KLHDC4: variants seen among roughly 807,000 people sequenced by gnomAD.
KLHDC4 encodes the protein kelch domain containing 4, also known as kelch domain-containing protein 4.
In KLHDC4, 90 loss-of-function variants were observed where a neutral mutation model predicts 62.4. That is an observed-to-expected ratio of 1.44 (90% CI 1.22 to 1.72). KLHDC4 has a LOEUF of 1.72. KLHDC4 is among the 40% of genes most tolerant of loss of function. KLHDC4 has a pLI of 0.00. For missense variants in KLHDC4, 1,025 were observed against 699.7 expected (o/e 1.47, Z -5.25); for synonymous variants, 386 against 284.4 (o/e 1.36, Z -3.59).
At chr16:87,707,094 A>C (rs2034827077), downstream of KLHDC4, among the ~76,000 whole-genome samples, 1 of 152,254 alleles carries the variant, frequency 6.6e-6, no homozygotes, top group African/African-American at 2.4e-5. Flanking sequence ...TAAGATACAC[A>C]AAAACTGCAC....
At position 87,709,751 on chromosome 16, in the gene KLHDC4, G is replaced by C. The variant is rs1597377290; in HGVS notation, c.1045-84C>G. The stretch of plus-strand genomic sequence containing the variant: ...GCTATGCCCACAAGGCCAGGCAAGG[G>C]TTTGCGGGGACCACCCACAAGCGTG... On this transcript the variant is annotated intron_variant, in intron 9 of 11. Coordinates refer to ENST00000270583, the MANE Select transcript of KLHDC4 (RefSeq NM_017566.4). 7 of 1,426,364 alleles carry C rather than the reference G, an allele frequency of 4.9e-6. No homozygotes were observed. In the East Asian group the frequency reaches 1.7e-4, roughly 36 times the overall value. 88.4% of individuals were successfully genotyped at this position (1,426,364 alleles called of 1,614,324 possible). A position where few individuals can be genotyped will look rare whatever the true frequency, so the allele number is the denominator to read the frequency against.
chr16:87,716,180 G>A (rs902561148), intron 7 of KLHDC4, among the ~76,000 whole-genome samples: 3 of 149,114 alleles, frequency 2.0e-5, no homozygotes, highest in African/African-American at 7.3e-5. Flanking sequence ...GGATATTGAC[G>A]TAGACTTTGG....
chr16:87,747,062 C>G (rs2043146775), intron 5 of KLHDC4, among the ~76,000 whole-genome samples: 1 of 152,222 alleles, frequency 6.6e-6, no homozygotes, highest in Non-Finnish European at 1.5e-5. Context: ...CAGGTACCCA[C>G]AGTGCATCCC....
chr16:87,710,037 G>T, intron 9 of KLHDC4: 1 of 218,048 alleles, frequency 4.6e-6, no homozygotes, highest in Non-Finnish European at 9.1e-6. Context: ...CCACAGTGCT[G>T]GCTCCCAGAA....
chr16:87,737,104 G>C (rs1158311816), intron 5 of KLHDC4, among the ~76,000 whole-genome samples: 6 of 6,576 alleles, frequency 9.1e-4, no homozygotes, highest in East Asian at 3.8e-3. Context: ...CAGCCTGGGC[G>C]ACAAAAAAAA....
chr16:87,725,017 C>G (rs185056007), intron 7 of KLHDC4, among the ~76,000 whole-genome samples: 1 of 152,072 alleles, frequency 6.6e-6, no homozygotes, highest in African/African-American at 2.4e-5. Context: ...CACTTCAGCA[C>G]GAAGCAGCAA....
At chr16:87,713,231 G>C (rs531984072) in intron 8 of KLHDC4, among the ~76,000 whole-genome samples, 1 of 150,900 alleles carries the variant, frequency 6.6e-6, no homozygotes, top group African/African-American at 2.4e-5. Context: ...ACAGAGTCTC[G>C]CTCTGTCGCC....
intron 10 of KLHDC4, among the ~76,000 whole-genome samples, chr16:87,708,958 C>T (rs745830887): frequency 4.6e-5 from 7 of 152,236 alleles, no homozygotes; most frequent in African/African-American, 9.6e-5. Context: ...CCTCGGGGCC[C>T]GGCTCGGACG....
Position 87,756,375 on chromosome 16 carries a change from A to G in KLHDC4, c.270+24T>C, listed in dbSNP as rs1457603381. The G allele has an allele frequency of 2.6e-6, 4 of 1,560,634 alleles. No homozygotes were observed. The African/African-American group carries it at 5.4e-5, about 21-fold the overall frequency. On this transcript the variant is annotated intron_variant, in intron 3 of 11. Transcript: ENST00000270583. ...AATGATACTCACGCAACATGGGAAG[A>G]AAAGAAAAAAATATATACTTTACTT...
intron 5 of KLHDC4, among the ~76,000 whole-genome samples, chr16:87,733,034 G>C (rs376936356): frequency 7.3e-6 from 1 of 137,680 alleles, no homozygotes; most frequent in East Asian, 2.1e-4. Context: ...AGCTTCTATC[G>C]GTGAAAAGGC....
chr16:87,730,941 C>A (rs2040241256), intron 5 of KLHDC4: 1 of 225,670 alleles, frequency 4.4e-6, no homozygotes, highest in African/African-American at 2.3e-5. Context: ...ACATAAAAAA[C>A]TTCAAAAATA....
intron 5 of KLHDC4, among the ~76,000 whole-genome samples, chr16:87,746,502 G>A (rs973014446): frequency 6.6e-6 from 1 of 152,076 alleles, no homozygotes; most frequent in Non-Finnish European, 1.5e-5. Context: ...CACTCCACAC[G>A]ACCTTCCAGG....
exon 1 of KLHDC4, chr16:87,702,145 G>T (rs1361943029): frequency 2.2e-6 from 1 of 456,268 alleles, no homozygotes; most frequent in Non-Finnish European, 4.4e-6. Context: ...AACAGACCGG[G>T]AGATTCCAGC....
chr16:87,711,583 C>T (rs1460525259), intron 8 of KLHDC4, 140 bp from the exon 9 acceptor site: 1 of 670,666 alleles, frequency 1.5e-6, no homozygotes, highest in Non-Finnish European at 2.5e-6. Flanking sequence ...AACTCTGCTC[C>T]CTCTGCAGAA....
At chr16:87,713,151 C>T (rs763325666) in intron 8 of KLHDC4, among the ~76,000 whole-genome samples, 1 of 152,240 alleles carries the variant, frequency 6.6e-6, no homozygotes, top group Non-Finnish European at 1.5e-5. Flanking sequence ...CCCACCTCAG[C>T]GTCCCCAGTA....
chr16:87,726,774 G>C lies in KLHDC4; in HGVS notation c.750C>G (p.Tyr250Ter). ...PQGGIVVYGG[Y>*]SKQRVKKDVD... ...CCACCCCCCGCCTTACCTGTTTCGA[G>C]TAGCCCCCATAGACGACGATGCCGC... Residue 250 changes from tyrosine (Y) to a stop codon, truncating the protein, a stop_gained, in exon 7 of 12, where the codon TAC becomes TAG. Transcript: ENST00000270583. LOFTEE classifies it high-confidence loss of function. 1.9e-6 allele frequency: 3 copies of C among 1,562,102 alleles called. No homozygotes were observed. Among genetic ancestry groups the C allele is most frequent in the Non-Finnish European group, 2.6e-6 (3 of 1,156,812 alleles).
downstream of KLHDC4, among the ~76,000 whole-genome samples, chr16:87,707,457 A>C (rs1025901288): frequency 6.6e-6 from 1 of 152,110 alleles, no homozygotes; most frequent in African/African-American, 2.4e-5. Context: ...AGGAGCCCCC[A>C]CCACGAGACC....
intron 5 of KLHDC4, chr16:87,740,884 T>G (rs550969769): frequency 1.3e-5 from 2 of 152,130 alleles, no homozygotes; most frequent in Admixed American, 1.3e-4. Context: ...AGTACGGAGA[T>G]CTATGCTGCA....
chr16:87,709,524 G>A lies in KLHDC4; in HGVS notation c.1188C>T (p.Val396=). The change falls in exon 10 of 12, where the codon GTC becomes GTT. Residue 396 remains valine, a synonymous_variant. Transcript: ENST00000270583. ...KEVVAEDGTV[V]TIKQVLTAPG... is the part of the protein sequence containing the mutation. ...GCGCGGTGAGCACCTGCTTAATGGTGACCACGGTGCCATCCTCGGCCACCA... is the reference window on the plus strand; with the variant it reads ...GCGCGGTGAGCACCTGCTTAATGGTAACCACGGTGCCATCCTCGGCCACCA... The A allele has an allele frequency of 1.9e-6, 3 of 1,612,296 alleles. No individual in the cohort carries two copies. The highest frequency in any genetic ancestry group is 2.5e-6 in the Non-Finnish European group (3 of 1,179,976).
Sources: allele counts gnomAD v4.1 joint callset (sites outside exome capture counted in the v4.1 genomes callset), GRCh38; gene constraint gnomAD v4.1.1; transcripts MANE v1.5; gene names NCBI Gene and HGNC (gene_info 2026-07-23, HGNC 2026-07-21).